Variants in ZNF804B observed in about 807,000 individuals in gnomAD.
ZNF804B encodes zinc finger 804B.
In ZNF804B, 80 loss-of-function variants were observed where a neutral mutation model predicts 101.4. That is an observed-to-expected ratio of 0.79 (90% CI 0.66 to 0.95). ZNF804B has a LOEUF of 0.95. ZNF804B is among the 40% of genes least tolerant of loss of function. The pLI is 0.00. For missense variants in ZNF804B, 1,673 were observed against 1,561.9 expected, an observed-to-expected ratio of 1.07 and a Z score of -1.20; for synonymous variants, 622 against 558.8, an observed-to-expected ratio of 1.11 and a Z score of -1.59.
At chr7:89,060,027 G>C (rs2116280023) in intron 1 of ZNF804B, among the ~76,000 whole-genome samples, 1 of 152,204 alleles carries the variant, frequency 6.6e-6, no homozygotes, top group South Asian at 2.1e-4. Context: ...TACACCAGTG[G>C]TAACCTGGGT....
intron 1 of ZNF804B, among the ~76,000 whole-genome samples, chr7:88,780,297 C>T (rs921705113): frequency 6.6e-6 from 1 of 151,596 alleles, no homozygotes; most frequent in African/African-American, 2.4e-5. Flanking sequence ...TAGAGACATA[C>T]TCATATCTTC....
In ZNF804B at chr7:88,849,250, C is replaced by T. The variant is rs537665206; in HGVS notation, c.108+89166C>T. On this transcript the variant is annotated intron_variant, in intron 1 of 3. Transcript: ENST00000333190. Reference sequence around the variant, plus strand: ...TCTCCAATTTTATTTTTCCATATCTCACTTCATTTACCATGATTCAAATTG... The same window carrying T: ...TCTCCAATTTTATTTTTCCATATCTTACTTCATTTACCATGATTCAAATTG... 2.6e-5 allele frequency among the ~76,000 whole-genome samples: 4 copies of T among 152,184 alleles called. No individual in the cohort carries two copies. In the East Asian group the frequency reaches 5.8e-4, roughly 22 times the overall value.
chr7:89,011,894 T>C (rs1788469292), intron 1 of ZNF804B, among the ~76,000 whole-genome samples: 1 of 152,166 alleles, frequency 6.6e-6, no homozygotes, highest in South Asian at 2.1e-4. Flanking sequence ...CTCCACTCAG[T>C]AGTGCTCCAG....
At chr7:89,129,560 G>C (rs1192473108) in intron 1 of ZNF804B, among the ~76,000 whole-genome samples, 1 of 151,988 alleles carries the variant, frequency 6.6e-6, no homozygotes, top group Non-Finnish European at 1.5e-5. Context: ...GTAGTTCTCA[G>C]AGTCTTAGAT....
intron 1 of ZNF804B, among the ~76,000 whole-genome samples, chr7:88,935,223 G>T (rs1453219199): frequency 6.6e-6 from 1 of 151,760 alleles, no homozygotes; most frequent in Non-Finnish European, 1.5e-5. Flanking sequence ...TGAGAGCTAA[G>T]CTATGAGGAT....
chr7:89,066,587 A>G (rs1789457644), intron 1 of ZNF804B, among the ~76,000 whole-genome samples: 1 of 152,144 alleles, frequency 6.6e-6, no homozygotes, highest in African/African-American at 2.4e-5. Context: ...TAGAAGACAG[A>G]CTGGACTTTT....
intron 1 of ZNF804B, among the ~76,000 whole-genome samples, chr7:89,103,404 A>G (rs1213385029): frequency 6.6e-6 from 1 of 151,630 alleles, no homozygotes; most frequent in Non-Finnish European, 1.5e-5. Context: ...AATTTATTTC[A>G]TCAGTGATTT....
intron 1 of ZNF804B, among the ~76,000 whole-genome samples, chr7:88,893,440 T>C (rs981584212): frequency 1.3e-5 from 2 of 152,090 alleles, no homozygotes; most frequent in African/African-American, 4.8e-5. Context: ...GATGTATGTA[T>C]TTAATAAATA....
rs761731542 is a variant in ZNF804B at position 88,794,808 on chromosome 7, G to A, written c.108+34724G>A. 3 of 1,613,758 alleles carry A rather than the reference G, an allele frequency of 1.9e-6. No individual in the cohort carries two copies. The Admixed American group carries it at 5.0e-5, about 27-fold the overall frequency. The stretch of plus-strand genomic sequence containing the variant: ...CCACTAGAAACATCCTATCAAGAAG[G>A]AATTTCTTTAGGTGTAGTCGTTGTT... On this transcript the variant is annotated intron_variant, in intron 1 of 3. Transcript: ENST00000333190.
At chr7:89,284,118 G>A (rs73399201) in intron 2 of ZNF804B, among the ~76,000 whole-genome samples, 5,594 of 152,176 alleles carry the variant, frequency 0.037, 316 homozygotes, top group African/African-American at 0.13. Context: ...ACACAAAGAT[G>A]CATTATTAAA....
At chr7:88,897,388 G>T (rs1281306553) in intron 1 of ZNF804B, among the ~76,000 whole-genome samples, 1 of 152,126 alleles carries the variant, frequency 6.6e-6, no homozygotes, top group African/African-American at 2.4e-5. Flanking sequence ...CAGGCATGTG[G>T]GTGGCTTCTA....
chr7:89,241,042 C>T (rs910974157), intron 2 of ZNF804B, among the ~76,000 whole-genome samples: 1 of 152,042 alleles, frequency 6.6e-6, no homozygotes, highest in African/African-American at 2.4e-5. Flanking sequence ...CTAACTTTCT[C>T]CCAACTGTCA....
chr7:89,092,211 C>T (rs1460539119), intron 1 of ZNF804B, among the ~76,000 whole-genome samples: 3 of 151,146 alleles, frequency 2.0e-5, no homozygotes, highest in African/African-American at 7.3e-5. Context: ...GGGGGTCTCT[C>T]TACGGGCAGT....
intron 1 of ZNF804B, among the ~76,000 whole-genome samples, chr7:89,027,704 G>A (rs1195695660): frequency 6.6e-6 from 1 of 152,134 alleles, no homozygotes; most frequent in Non-Finnish European, 1.5e-5. Context: ...AAACGAAGAA[G>A]GTCATGAAAG....
At chr7:89,266,058 A>G (rs2115825836) in intron 2 of ZNF804B, among the ~76,000 whole-genome samples, 1 of 152,214 alleles carries the variant, frequency 6.6e-6, no homozygotes, top group South Asian at 2.1e-4. Flanking sequence ...TTTTTTCTTC[A>G]CATAATTTAT....
At chr7:88,915,858 GATATA>G (rs56914886) in intron 1 of ZNF804B, among the ~76,000 whole-genome samples, 5,039 of 151,840 alleles carry the variant, frequency 0.033, 284 homozygotes, top group African/African-American at 0.11. Flanking sequence ...CAATATCTAT[GATATA>G]ATATATTTAA....
chr7:89,042,028 G>A (rs982584767), intron 1 of ZNF804B, among the ~76,000 whole-genome samples: 3 of 152,094 alleles, frequency 2.0e-5, no homozygotes, highest in Non-Finnish European at 1.5e-5. Flanking sequence ...AGGAGTCAAA[G>A]TGTTATAACA....
At chr7:89,318,541 T>C (rs1044680926) in intron 2 of ZNF804B, among the ~76,000 whole-genome samples, 9 of 152,208 alleles carry the variant, frequency 5.9e-5, no homozygotes, top group Non-Finnish European at 1.5e-5. Flanking sequence ...GGTGGGCAGA[T>C]CACCTGAGGT....
At chr7:89,033,376 G>A (rs564376285) in intron 1 of ZNF804B, among the ~76,000 whole-genome samples, 86 of 152,266 alleles carry the variant, frequency 5.6e-4, no homozygotes, top group Admixed American at 9.8e-4. Flanking sequence ...TGTACACTTA[G>A]GTTGATTTCA....
Sources: gnomAD v4.1 joint callset for allele counts (sites outside exome capture counted in the v4.1 genomes callset) on GRCh38, gnomAD v4.1.1 for gene constraint, MANE v1.5 for transcripts, NCBI Gene and HGNC (gene_info 2026-07-23, HGNC 2026-07-21) for gene names.